Variants in UFSP2 observed in about 807,000 individuals in gnomAD.
UFSP2 encodes UFM1 specific peptidase 2.
Under a neutral mutation model 60.2 loss-of-function variants are expected in UFSP2, and 43 were observed. That is an observed-to-expected ratio of 0.71 (90% CI 0.56 to 0.92). UFSP2 has a LOEUF of 0.92. Ranked by LOEUF, UFSP2 falls within the 40% of genes least tolerant of loss-of-function variation. The pLI is 0.00. For missense variants in UFSP2, 520 were observed against 575.0 expected (o/e 0.90, Z 0.98); for synonymous variants, 183 against 195.1 (o/e 0.94, Z 0.52).
At chr4:185,403,698 C>T (rs555860890) in intron 10 of UFSP2, 80 bp from the exon 11 acceptor site, 72 of 1,528,604 alleles carry the variant, frequency 4.7e-5, no homozygotes, top group South Asian at 3.8e-4. Flanking sequence ...AGACAGATTA[C>T]GGCCGGGCGT....
At chr4:185,409,134 G>A (rs751495389) in intron 7 of UFSP2, among the ~76,000 whole-genome samples, 1 of 152,092 alleles carries the variant, frequency 6.6e-6, no homozygotes, top group Non-Finnish European at 1.5e-5. Context: ...ATGAATGAAG[G>A]AAGGAATAAA....
Position 185,408,017 on chromosome 4 carries a change from G to C in UFSP2, c.1040C>G (p.Ser347Trp). 1 of 1,613,874 alleles carries C rather than the reference G, an allele frequency of 6.2e-7. No homozygotes were observed. Among genetic ancestry groups the C allele is most frequent in the South Asian group, 1.1e-5 (1 of 91,074 alleles). The change falls in exon 9 of 12, where the codon TCG becomes TGG. Residue 347 changes from serine to tryptophan, a missense_variant. Ser to Trp is a radical substitution (Grantham distance 177). Transcript: ENST00000264689. ...AGDKPATFVGSRQWIGSIEVQ... is the reference protein window; with the variant it reads ...AGDKPATFVGWRQWIGSIEVQ... The stretch of plus-strand genomic sequence containing the variant: ...CTCAATAGATCCAATCCATTGCCGC[G>C]ATCCGACAAATGTTGCTGGTTTGTC...
chr4:185,399,625 C>T lies in UFSP2; in HGVS notation c.*767G>A. On this transcript the variant is annotated 3_prime_UTR_variant, in exon 12 of 12. Transcript: ENST00000264689. ...AGATCTCGCTTGGTCATGTGGATTT[C>T]CAGACTGTGCCAAGTTTCTTACAAC... 1 of 1,614,158 alleles carries T rather than the reference C, an allele frequency of 6.2e-7. No homozygotes were observed. The highest frequency in any genetic ancestry group is 8.5e-7 in the Non-Finnish European group (1 of 1,180,030).
intron 11 of UFSP2, among the ~76,000 whole-genome samples, chr4:185,402,783 C>CT (rs1247973245): frequency 1.3e-5 from 2 of 152,152 alleles, no homozygotes; most frequent in African/African-American, 2.4e-5. Context: ...GCTTAAAACT[C>CT]TTTAACATAT....
chr4:185,413,367 G>A (rs895141715), intron 7 of UFSP2, among the ~76,000 whole-genome samples: 4 of 152,130 alleles, frequency 2.6e-5, no homozygotes, highest in Non-Finnish European at 5.9e-5. Context: ...CAGCCTGAGT[G>A]ACAGAGCGAG....
rs752915238 is a variant in UFSP2 at position 185,413,816 on chromosome 4, A to G, written c.741T>C (p.Asn247=). The change falls in exon 7 of 12, where the codon AAT becomes AAC. Residue 247 remains asparagine (N), a synonymous_variant. Transcript: ENST00000264689. ...PHDRPYFKRS[N]AYHFPDEPYK... is the part of the protein sequence containing the mutation. Reference sequence around the variant, plus strand: ...ATGGCTCATCTGGAAAGTGATAAGCATTAGACCTTTTGAAATAGGGTCTGT... The same window carrying G: ...ATGGCTCATCTGGAAAGTGATAAGCGTTAGACCTTTTGAAATAGGGTCTGT... The G allele has an allele frequency of 1.6e-5, 26 of 1,613,468 alleles. No homozygotes were observed. The highest frequency in any genetic ancestry group is 2.2e-5 in the Non-Finnish European group (26 of 1,179,646).
chr4:185,408,501 T>TC, intron 7 of UFSP2, 66 bp from the exon 8 acceptor site: 1 of 1,472,614 alleles, frequency 6.8e-7, no homozygotes, highest in Non-Finnish European at 9.3e-7. Flanking sequence ...CTATATATGC[T>TC]CCCGAATTAT....
chr4:185,425,723 G>A, intron 1 of UFSP2, 143 bp downstream of exon 1: 2 of 1,281,214 alleles, frequency 1.6e-6, no homozygotes, highest in Non-Finnish European at 2.2e-6. Context: ...GCGAACTGGA[G>A]AGCCGCCCTG....
Position 185,399,904 on chromosome 4 carries a change from C to A in UFSP2, c.*488G>T. On this transcript the variant is annotated 3_prime_UTR_variant, in exon 12 of 12. Transcript: ENST00000264689. ...TTTCATTCTCATTAACATTTTAGTACTGGTTATACTTACCAGAGTCTAGAG... is the reference window on the plus strand; with the variant it reads ...TTTCATTCTCATTAACATTTTAGTAATGGTTATACTTACCAGAGTCTAGAG... 6.5e-7 allele frequency: 1 copy of A among 1,538,982 alleles called. No homozygotes were observed. Among genetic ancestry groups the A allele is most frequent in the Non-Finnish European group, 8.7e-7 (1 of 1,145,060 alleles).
chr4:185,418,071 C>CACACACACACACACACA (rs761008119), intron 4 of UFSP2, among the ~76,000 whole-genome samples: 5 of 151,700 alleles, frequency 3.3e-5, no homozygotes, highest in Non-Finnish European at 7.4e-5. Flanking sequence ...CACACACAAA[C>CACACACACACACACACA]AACAGAACCA....
Position 185,425,905 on chromosome 4 carries a change from GCCCAA to G in UFSP2, c.-42_-38del. ...GGCGGTGACACGGGCGCTGACGCCTGCCCAAAAGTTCCGGGGGCCGGCCCTGAAGT... is the reference window on the plus strand; with the variant it reads ...GGCGGTGACACGGGCGCTGACGCCTGAAGTTCCGGGGGCCGGCCCTGAAGT... On this transcript the variant is annotated 5_prime_UTR_variant, in exon 1 of 12. Coordinates refer to ENST00000264689, the MANE Select transcript of UFSP2 (RefSeq NM_018359.5). 1 of 1,584,922 alleles carries G rather than the reference GCCCAA, an allele frequency of 6.3e-7. No homozygotes were observed. Among genetic ancestry groups the G allele is most frequent in the African/African-American group, 1.3e-5 (1 of 74,640 alleles).
intron 5 of UFSP2, 53 bp from the exon 6 acceptor site, chr4:185,415,400 A>T: frequency 7.0e-7 from 1 of 1,428,264 alleles, no homozygotes; most frequent in South Asian, 1.5e-5. Flanking sequence ...GACTACAATA[A>T]AGAAAAGTAC....
At chr4:185,405,328 C>A (rs549817705) in intron 10 of UFSP2, among the ~76,000 whole-genome samples, 12 of 152,168 alleles carry the variant, frequency 7.9e-5, no homozygotes, top group Non-Finnish European at 1.8e-4. Flanking sequence ...ACTAGTCTCA[C>A]CTTGCCTTCT....
intron 6 of UFSP2, 134 bp from the exon 7 acceptor site, chr4:185,414,006 T>A: frequency 1.4e-6 from 1 of 702,372 alleles, no homozygotes; most frequent in Non-Finnish European, 2.1e-6. Context: ...ATGGTTTAAT[T>A]CACTAACATC....
rs922141189 is a variant in UFSP2 at position 185,404,306 on chromosome 4, T to G, written c.1199-688A>C. On this transcript the variant is annotated intron_variant, in intron 10 of 11. Coordinates refer to ENST00000264689, the MANE Select transcript of UFSP2 (RefSeq NM_018359.5). ...TCCATTCATTAAGTTTTTTTTTTTT[T>G]TTTTTTTTTTGAGCTAGAGTCTCAC... is the stretch of plus-strand genomic sequence containing the variant. Among the ~76,000 whole-genome samples, 3 of 147,550 alleles carry G rather than the reference T, an allele frequency of 2.0e-5. No homozygotes were observed. The East Asian group carries it at 6.1e-4, about 30-fold the overall frequency.
rs777407096 is a variant in UFSP2, at chr4:185,415,262, T to C, written c.577A>G (p.Ile193Val). ...AAGTGCAGTGGTTCAGGGACCACAA[T>C]AGATGTTCCTTTCATATATTTCAAA... ...CILKYMKGTS[I>V]VVPEPLHFLL... The change falls in exon 6 of 12, where the codon ATT (isoleucine) becomes GTT (valine). Residue 193 changes from isoleucine to valine, a missense_variant. Transcript: ENST00000264689. The C allele has an allele frequency of 2.2e-5, 35 of 1,602,356 alleles. No homozygotes were observed. The South Asian group carries it at 3.4e-4, about 16-fold the overall frequency.
intron 4 of UFSP2, among the ~76,000 whole-genome samples, chr4:185,416,531 A>G (rs1414136450): frequency 1.3e-5 from 2 of 152,226 alleles, no homozygotes; most frequent in Admixed American, 1.3e-4. Flanking sequence ...CTCACTGGGA[A>G]AAGGTCAAGC....
In UFSP2 at chr4:185,400,725, T is replaced by A. The variant is rs147668036; in HGVS notation, c.1324-247A>T. 248 of 360,870 alleles carry A rather than the reference T, an allele frequency of 6.9e-4. 1 individual carries two copies. Among genetic ancestry groups the A allele is most frequent in the African/African-American group, 4.8e-3 (228 of 47,758 alleles). The allele number at this position is 360,870 out of a possible 1,614,324, so 22.4% of individuals were successfully genotyped here. On this transcript the variant is annotated intron_variant, in intron 11 of 11. Coordinates refer to ENST00000264689, the MANE Select transcript of UFSP2 (RefSeq NM_018359.5). Reference sequence around the variant, plus strand: ...TCATTAAAAAAAATTTACCTGTAACTGTTATTCCAGATACCACACTTTACT... The same window carrying A: ...TCATTAAAAAAAATTTACCTGTAACAGTTATTCCAGATACCACACTTTACT...
intron 5 of UFSP2, 129 bp downstream of exon 5, chr4:185,415,581 T>C: frequency 1.1e-6 from 1 of 887,436 alleles, no homozygotes; most frequent in Non-Finnish European, 1.6e-6. Flanking sequence ...ATTTAATTAA[T>C]AGATGGCTCT....
Sources: allele counts gnomAD v4.1 joint callset (sites outside exome capture counted in the v4.1 genomes callset), GRCh38; gene constraint gnomAD v4.1.1; transcripts MANE v1.5; gene names NCBI Gene and HGNC (gene_info 2026-07-23, HGNC 2026-07-21).